The following CAB39L variants were observed in gnomAD, a reference collection of about 807,000 sequenced individuals.
CAB39L encodes the protein calcium-binding protein 39-like.
A neutral mutation model predicts 39.1 loss-of-function variants in CAB39L; 23 were observed. The observed-to-expected ratio is 0.59, with a 90% CI of 0.42 to 0.83. The LOEUF (loss-of-function observed/expected upper bound fraction) is 0.83. Ranked by LOEUF, CAB39L falls within the 40% of genes least tolerant of loss-of-function variation. The pLI is 0.00. For missense variants in CAB39L, 366 were observed against 391.9 expected, an observed-to-expected ratio of 0.93 and a Z score of 0.56; for synonymous variants, 126 against 137.2, an observed-to-expected ratio of 0.92 and a Z score of 0.57.
chr13:49,421,459 C>G (rs1289998836), intron 3 of CAB39L, among the ~76,000 whole-genome samples: 2 of 152,158 alleles, frequency 1.3e-5, no homozygotes, highest in Admixed American at 1.3e-4. Context: ...TGAGCATGAT[C>G]TAATATCCCC....
intron 5 of CAB39L, among the ~76,000 whole-genome samples, chr13:49,365,349 A>G (rs1955743180): frequency 6.6e-6 from 1 of 152,222 alleles, no homozygotes. Context: ...TGAAGCTACT[A>G]AAAGAAAATA....
At chr13:49,358,991 T>C (rs1279434330) in intron 6 of CAB39L, among the ~76,000 whole-genome samples, 1 of 152,092 alleles carries the variant, frequency 6.6e-6, no homozygotes, top group African/African-American at 2.4e-5. Context: ...TGAACACAGG[T>C]GAGATGGACT....
At position 49,373,470 on chromosome 13, in the gene CAB39L, T is replaced by C. The variant is rs79509862; in HGVS notation, c.276+3497A>G. ...ATTTTTCCTTTCTGTTATCAAAACA[T>C]ACCAGAAATTTTACAGTCAAATGAC... On this transcript the variant is annotated intron_variant, in intron 5 of 10. Coordinates refer to ENST00000409308, the MANE Select transcript of CAB39L (RefSeq NM_001079670.3). 4.2e-4 allele frequency among the ~76,000 whole-genome samples: 64 copies of C among 152,360 alleles called. No homozygotes were observed. The East Asian group carries it at 0.012, about 29-fold the overall frequency.
At chr13:49,359,610 C>A (rs1360283950) in intron 6 of CAB39L, 104 bp downstream of exon 6, 2 of 612,290 alleles carry the variant, frequency 3.3e-6, no homozygotes, top group East Asian at 2.8e-5. Context: ...ACCTTTACTG[C>A]AGTTCCAAAA....
At chr13:49,394,714 A>G (rs1566114427) in intron 3 of CAB39L, among the ~76,000 whole-genome samples, 2 of 152,156 alleles carry the variant, frequency 1.3e-5, no homozygotes, top group African/African-American at 2.4e-5. Context: ...TAAACTTTTT[A>G]CAATTATTTT....
chr13:49,438,242 C>T (rs1957447157), intron 1 of CAB39L, among the ~76,000 whole-genome samples: 1 of 152,184 alleles, frequency 6.6e-6, no homozygotes, highest in South Asian at 2.1e-4. Flanking sequence ...AAAAGGCAAA[C>T]AACCTTATTC....
intron 3 of CAB39L, among the ~76,000 whole-genome samples, chr13:49,411,223 A>G (rs1005373941): frequency 1.3e-5 from 2 of 152,046 alleles, no homozygotes; most frequent in Non-Finnish European, 2.9e-5. Context: ...AGCCTGGGCA[A>G]CATAGTGAGA....
At chr13:49,363,988 AAAAC>A (rs1347753675) in intron 5 of CAB39L, among the ~76,000 whole-genome samples, 1 of 152,250 alleles carries the variant, frequency 6.6e-6, no homozygotes, top group East Asian at 1.9e-4. Context: ...CATGCTAATG[AAAAC>A]AAACAAACAA....
At chr13:49,330,571 G>A (rs561139563) in intron 10 of CAB39L, among the ~76,000 whole-genome samples, 7 of 152,154 alleles carry the variant, frequency 4.6e-5, no homozygotes, top group Admixed American at 3.3e-4. Flanking sequence ...GCTGCAGTAA[G>A]CCATGATCAC....
In CAB39L at chr13:49,443,801, T is replaced by TGAGAC. The variant is rs528769599; in HGVS notation, c.-246+180_-246+184dup. 2.4e-4 allele frequency among the ~76,000 whole-genome samples: 36 copies of TGAGAC among 152,198 alleles called. No homozygotes were observed. The East Asian group carries it at 6.6e-3, about 28-fold the overall frequency. On this transcript the variant is annotated intron_variant, in intron 1 of 10. Coordinates refer to ENST00000409308, the MANE Select transcript of CAB39L (RefSeq NM_001079670.3). ...ATTCCTCGCTCTCTCTAGCCAGGGA[T>TGAGAC]GAGACTCAGGCCCAGGAAACCCATC...
intron 3 of CAB39L, chr13:49,412,977 G>A (rs1957019945): frequency 6.6e-6 from 1 of 152,196 alleles, no homozygotes; most frequent in African/African-American, 2.4e-5. Context: ...CCAGGGGTAA[G>A]GGACCCCTGC....
chr13:49,418,438 G>A (rs528948586), intron 3 of CAB39L, among the ~76,000 whole-genome samples: 20 of 152,226 alleles, frequency 1.3e-4, no homozygotes, highest in African/African-American at 4.8e-4. Flanking sequence ...AAGATGAAAG[G>A]GTTCTAAAAT....
chr13:49,391,650 T>G (rs1184803758), intron 3 of CAB39L, among the ~76,000 whole-genome samples: 1 of 152,178 alleles, frequency 6.6e-6, no homozygotes, highest in Non-Finnish European at 1.5e-5. Context: ...GGGTTTTCTA[T>G]AATCACATCA....
At chr13:49,389,511 G>A (rs1038295090) in intron 3 of CAB39L, among the ~76,000 whole-genome samples, 2 of 151,896 alleles carry the variant, frequency 1.3e-5, no homozygotes, top group African/African-American at 2.4e-5. Context: ...TGTGGTGGCA[G>A]GCACCTATAC....
At chr13:49,410,917 T>C (rs1956976877) in intron 3 of CAB39L, among the ~76,000 whole-genome samples, 1 of 152,192 alleles carries the variant, frequency 6.6e-6, no homozygotes, top group African/African-American at 2.4e-5. Context: ...GAAATGATTA[T>C]AATCCTTTAA....
At chr13:49,439,920 GGTTTT>G (rs1429494885) in intron 1 of CAB39L, among the ~76,000 whole-genome samples, 8 of 41,366 alleles carry the variant, frequency 1.9e-4, no homozygotes, top group African/African-American at 6.2e-4. Flanking sequence ...CTTTTTAATG[GGTTTT>G]TTTTTTTTTT....
At chr13:49,407,165 A>C (rs1956898845) in intron 3 of CAB39L, among the ~76,000 whole-genome samples, 1 of 152,214 alleles carries the variant, frequency 6.6e-6, no homozygotes, top group African/African-American at 2.4e-5. Context: ...ATATAGATCA[A>C]GTTACAGTCA....
intron 3 of CAB39L, among the ~76,000 whole-genome samples, chr13:49,407,856 C>T (rs1280366087): frequency 7.4e-5 from 7 of 94,080 alleles, no homozygotes; most frequent in Non-Finnish European, 1.3e-4. Flanking sequence ...AGCAAGACCC[C>T]GTCTCAAAAA....
Position 49,382,797 on chromosome 13 carries a change from T to TA in CAB39L, c.111+2dup. 6.4e-7 allele frequency: 1 copy of TA among 1,570,462 alleles called. No individual in the cohort carries two copies. ...ATCATAATGTTACTGTTTTAGCTCT[T>TA]ACCTTGTCTGTCTTTTTGTCTTGCT... On this transcript the variant is annotated splice_region_variant and intron_variant, in intron 4 of 10. Coordinates refer to ENST00000409308, the MANE Select transcript of CAB39L (RefSeq NM_001079670.3).
Sources: gnomAD v4.1 joint callset for allele counts (sites outside exome capture counted in the v4.1 genomes callset) on GRCh38, gnomAD v4.1.1 for gene constraint, MANE v1.5 for transcripts, NCBI Gene and HGNC (gene_info 2026-07-23, HGNC 2026-07-21) for gene names.